Variants in CGGBP1 observed in about 807,000 individuals in gnomAD.
The protein encoded by CGGBP1 is CGG triplet repeat binding protein 1, also known as CGG triplet repeat-binding protein 1.
CGGBP1 carries 4 observed loss-of-function variants against 11.4 expected under a neutral mutation model. That is an observed-to-expected ratio of 0.35 (90% CI 0.17 to 0.80). The LOEUF (loss-of-function observed/expected upper bound fraction) is 0.80, where lower values mean the gene tolerates loss of function less well. Among genes scored for constraint, CGGBP1 ranks in the 30% least tolerant of loss-of-function variants. The probability of loss-of-function intolerance (pLI) is 0.52; values close to 1 mark genes in which losing one functional copy is unlikely to be tolerated. For synonymous variants in CGGBP1, 76 were observed against 74.1 expected (o/e 1.03, Z -0.13); for missense variants, 135 against 202.1 (o/e 0.67, Z 2.01).
chr3:88,135,465 C>A (rs1215359778), intron 2 of CGGBP1: 2 of 238,734 alleles, frequency 8.4e-6, no homozygotes, highest in Non-Finnish European at 1.6e-5. Context: ...TTGTTACTTT[C>A]AATATTATCC....
chr3:88,111,666 T>A (rs1207365273), intron 2 of CGGBP1, among the ~76,000 whole-genome samples: 1 of 152,016 alleles, frequency 6.6e-6, no homozygotes, highest in East Asian at 1.9e-4. Context: ...GTTGTTTCTG[T>A]CTTTGAGCTT....
At chr3:88,070,547 A>G (rs1291982350) in intron 2 of CGGBP1, among the ~76,000 whole-genome samples, 4 of 149,282 alleles carry the variant, frequency 2.7e-5, no homozygotes, top group African/African-American at 1.0e-4. Flanking sequence ...CCACTGTGGC[A>G]AAGGCAACAC....
intron 2 of CGGBP1, chr3:88,086,273 C>T: frequency 6.5e-7 from 1 of 1,533,654 alleles, no homozygotes; most frequent in Non-Finnish European, 8.7e-7. Context: ...GAAGATTATG[C>T]TGGAAGATGG....
At chr3:88,134,920 A>T (rs377484388) in intron 2 of CGGBP1, 240 of 465,098 alleles carry the variant, frequency 5.2e-4, no homozygotes, top group Middle Eastern at 2.3e-3. Context: ...TAGGTAGAAG[A>T]AGTAGTTTGG....
At chr3:88,077,434 T>G (rs556173489) in intron 2 of CGGBP1, among the ~76,000 whole-genome samples, 1 of 151,028 alleles carries the variant, frequency 6.6e-6, no homozygotes, top group African/African-American at 2.4e-5. Flanking sequence ...CCGGGTTCAC[T>G]CCACTCTCCT....
chr3:88,114,001 C>A lies in CGGBP1; in HGVS notation c.-229+26969G>T, dbSNP rs139280706. On this transcript the variant is annotated intron_variant, in intron 2 of 3. Coordinates refer to the CGGBP1 transcript ENST00000462901. ...TATATATTCAAGTATTTAAAACTTACTAATTTTCCATTCTCCGTAATCCAT... is the reference window on the plus strand; with the variant it reads ...TATATATTCAAGTATTTAAAACTTAATAATTTTCCATTCTCCGTAATCCAT... Among the ~76,000 whole-genome samples, 814 of 152,248 alleles carry A rather than the reference C, an allele frequency of 5.3e-3. 5 individuals are homozygous for A. The highest frequency in any genetic ancestry group is 0.017 in the African/African-American group (699 of 41,536).
At chr3:88,056,196 C>A (rs758628250) in intron 3 of CGGBP1, 197 bp from the exon 4 acceptor site, 2 of 460,602 alleles carry the variant, frequency 4.3e-6, no homozygotes, top group Non-Finnish European at 7.6e-6. Flanking sequence ...ACTAACCAGT[C>A]GCAATCAGGT....
At chr3:88,139,610 T>C in intron 2 of CGGBP1, 1 of 1,613,736 alleles carries the variant, frequency 6.2e-7, no homozygotes, top group Non-Finnish European at 8.5e-7. Context: ...CTGCTTCTAG[T>C]GAAGGAAACA....
chr3:88,126,976 C>A (rs1180375415), intron 2 of CGGBP1, among the ~76,000 whole-genome samples: 2 of 152,140 alleles, frequency 1.3e-5, no homozygotes, highest in African/African-American at 2.4e-5. Context: ...CCTTTCAAGG[C>A]AGGAGGCTTT....
rs924816855 is a variant in CGGBP1 at position 88,053,889 on chromosome 3, G to A, written c.*1584C>T. 6.6e-6 allele frequency: 1 copy of A among 152,510 alleles called. No individual in the cohort carries two copies. Among genetic ancestry groups the A allele is most frequent in the African/African-American group, 2.4e-5 (1 of 41,420 alleles). The allele number at this position is 152,510 out of a possible 1,614,324, so 9.4% of individuals were successfully genotyped here. ...CTACTTTAACATAACTGAACATGAG[G>A]AAAACAGTTCACATTTTGATAAGTG... is the stretch of plus-strand genomic sequence containing the variant. On this transcript the variant is annotated 3_prime_UTR_variant, in exon 4 of 4. Coordinates refer to ENST00000482016, the MANE Select transcript of CGGBP1 (RefSeq NM_001008390.2).
chr3:88,098,270 G>C (rs1051143364), intron 2 of CGGBP1, among the ~76,000 whole-genome samples: 4 of 152,094 alleles, frequency 2.6e-5, no homozygotes, highest in South Asian at 2.1e-4. Context: ...ACCCTCCAAA[G>C]ACTAAACCAG....
At chr3:88,107,188 A>G (rs1003491840) in intron 2 of CGGBP1, among the ~76,000 whole-genome samples, 1 of 152,218 alleles carries the variant, frequency 6.6e-6, no homozygotes, top group South Asian at 2.1e-4. Context: ...TACACTTTAT[A>G]TACTTTATCT....
At chr3:88,095,633 G>T in intron 2 of CGGBP1, 1 of 509,550 alleles carries the variant, frequency 2.0e-6, no homozygotes, top group South Asian at 1.5e-5. Flanking sequence ...TTATCTCGAA[G>T]CCCCAAGCAA....
chr3:88,120,156 A>G (rs908750732), intron 2 of CGGBP1, among the ~76,000 whole-genome samples: 4 of 152,166 alleles, frequency 2.6e-5, no homozygotes, highest in Admixed American at 2.0e-4. Flanking sequence ...AAAAATTATT[A>G]ATCCAATTCC....
At chr3:88,080,558 T>C (rs1229257039) in intron 2 of CGGBP1, among the ~76,000 whole-genome samples, 1 of 152,186 alleles carries the variant, frequency 6.6e-6, no homozygotes, top group Non-Finnish European at 1.5e-5. Context: ...GGTTACCAGC[T>C]AATAAGTGAC....
intron 2 of CGGBP1, among the ~76,000 whole-genome samples, chr3:88,095,114 C>T (rs1246148033): frequency 6.6e-6 from 1 of 152,070 alleles, no homozygotes; most frequent in Non-Finnish European, 1.5e-5. Context: ...CTATAGTTTT[C>T]TTAAGCTTTG....
intron 2 of CGGBP1, chr3:88,135,227 A>G: frequency 7.2e-7 from 1 of 1,398,406 alleles, no homozygotes; most frequent in Non-Finnish European, 9.3e-7. Context: ...TTTGTCCCTT[A>G]AATTTAAAAT....
At chr3:88,128,561 TTC>T in intron 2 of CGGBP1, among the ~76,000 whole-genome samples, 1 of 152,210 alleles carries the variant, frequency 6.6e-6, no homozygotes, top group East Asian at 1.9e-4. Flanking sequence ...TAAATTTTGT[TTC>T]TGTTATTTAC....
chr3:88,072,972 TGTTA>T (rs6147950), intron 2 of CGGBP1, among the ~76,000 whole-genome samples: 118,668 of 151,628 alleles, frequency 0.78, 47,346 homozygotes, highest in South Asian at 0.91. Context: ...TTAAAAAAAT[TGTTA>T]GTTTTAAAAT....
Sources: gnomAD v4.1 joint callset for allele counts (sites outside exome capture counted in the v4.1 genomes callset) on GRCh38, gnomAD v4.1.1 for gene constraint, MANE v1.5 for transcripts, NCBI Gene and HGNC (gene_info 2026-07-23, HGNC 2026-07-21) for gene names.